The following COL23A1 variants were observed in gnomAD, a reference collection of about 807,000 sequenced individuals.
The protein encoded by COL23A1 is collagen alpha-1(XXIII) chain.
Under a neutral mutation model 99.3 loss-of-function variants are expected in COL23A1, and 97 were observed. That is an observed-to-expected ratio of 0.98 (90% confidence interval 0.83 to 1.16). The LOEUF is 1.16. COL23A1 is among the 50% of genes most tolerant of loss of function. The pLI, the probability that COL23A1 is intolerant of heterozygous loss-of-function variation, is 0.00. For missense variants in COL23A1, 762 were observed against 757.4 expected, an observed-to-expected ratio of 1.01 and a Z score of -0.07; for synonymous variants, 320 against 308.2, an observed-to-expected ratio of 1.04 and a Z score of -0.40.
At chr5:178,242,445 C>G in intron 25 of COL23A1, 51 bp from the exon 26 acceptor site, 2 of 1,578,294 alleles carry the variant, frequency 1.3e-6, no homozygotes, top group Non-Finnish European at 1.7e-6. Context: ...GAGGTTTGCC[C>G]CTCTGTTACC....
intron 2 of COL23A1, among the ~76,000 whole-genome samples, chr5:178,485,570 C>T (rs2088566): frequency 0.15 from 22,304 of 151,808 alleles, 1,690 homozygotes; most frequent in Middle Eastern, 0.21. Flanking sequence ...GTCAGGAGTT[C>T]GAGACCAGCC....
intron 3 of COL23A1, among the ~76,000 whole-genome samples, chr5:178,291,175 G>A (rs749078281): frequency 1.3e-5 from 2 of 152,148 alleles, no homozygotes; most frequent in South Asian, 2.1e-4. Flanking sequence ...ACTAAGCCAC[G>A]CGGCTGCCAA....
Position 178,376,159 on chromosome 5 carries a change from T to C in COL23A1, c.362-69240A>G, listed in dbSNP as rs1451379222. Among the ~76,000 whole-genome samples the C allele has an allele frequency of 2.0e-5, 3 of 152,372 alleles. No individual in the cohort carries two copies. In the East Asian group the frequency reaches 5.8e-4, roughly 29 times the overall value. On this transcript the variant is annotated intron_variant, in intron 2 of 28. Transcript: ENST00000390654. ...CACAGTCTCATCTGTGCTTTCTCTT[T>C]TCCATAGCACTTGTCATCTTCTAAA...
At chr5:178,490,316 G>A (rs1037914949) in intron 2 of COL23A1, among the ~76,000 whole-genome samples, 1 of 152,108 alleles carries the variant, frequency 6.6e-6, no homozygotes, top group Non-Finnish European at 1.5e-5. Flanking sequence ...AAACTTTGAG[G>A]ATATTAAGCT....
chr5:178,526,077 G>A (rs538587182), intron 2 of COL23A1, among the ~76,000 whole-genome samples: 14 of 152,374 alleles, frequency 9.2e-5, no homozygotes, highest in Admixed American at 8.5e-4. Context: ...GAAAGCACAA[G>A]GGCTGCAGTA....
At chr5:178,553,291 C>T (rs1251923994) in intron 2 of COL23A1, among the ~76,000 whole-genome samples, 2 of 152,172 alleles carry the variant, frequency 1.3e-5, no homozygotes, top group East Asian at 1.9e-4. Flanking sequence ...ACTTCTGTTC[C>T]GCTCTGTGAC....
At chr5:178,424,317 C>T (rs1363752534) in intron 2 of COL23A1, among the ~76,000 whole-genome samples, 1 of 152,244 alleles carries the variant, frequency 6.6e-6, no homozygotes, top group Admixed American at 6.5e-5. Flanking sequence ...CCGCATTGGG[C>T]ATGGAATGTC....
In COL23A1 at chr5:178,280,758, G is replaced by A. The variant is rs562469195; in HGVS notation, c.441+7566C>T. On this transcript the variant is annotated intron_variant, in intron 5 of 28. Coordinates refer to ENST00000390654, the MANE Select transcript of COL23A1 (RefSeq NM_173465.4). The surrounding 1 kb of genome is among the most constrained non-coding windows in gnomAD (Gnocchi z 4.9). ...GCGCAGGACCAACCCCCTCTGCTGGGCCCCCTACACTGCTGTCCCTGCTAA... is the reference window on the plus strand; with the variant it reads ...GCGCAGGACCAACCCCCTCTGCTGGACCCCCTACACTGCTGTCCCTGCTAA... 6.6e-6 allele frequency among the ~76,000 whole-genome samples: 1 copy of A among 152,188 alleles called. No individual in the cohort carries two copies. Among genetic ancestry groups the A allele is most frequent in the South Asian group, 2.1e-4 (1 of 4,828 alleles).
rs116767319 is a variant in COL23A1 at position 178,280,146 on chromosome 5, C to T, written c.441+8178G>A. 3.5e-3 allele frequency among the ~76,000 whole-genome samples: 526 copies of T among 152,362 alleles called. 6 individuals are homozygous for T. The highest frequency in any genetic ancestry group is 0.012 in the African/African-American group (490 of 41,598). On this transcript the variant is annotated intron_variant, in intron 5 of 28. Transcript: ENST00000390654. The surrounding 1 kb of genome is among the most constrained non-coding windows in gnomAD (Gnocchi z 4.9). Reference sequence around the variant, plus strand: ...TGCCCGGCCAGGGAACACTAGAGGGCGCGCTTGACCTGCCGAAGGCTGCCT... The same window carrying T: ...TGCCCGGCCAGGGAACACTAGAGGGTGCGCTTGACCTGCCGAAGGCTGCCT...
intron 5 of COL23A1, among the ~76,000 whole-genome samples, chr5:178,278,913 G>C (rs1002646145): frequency 6.6e-6 from 1 of 152,214 alleles, no homozygotes; most frequent in Non-Finnish European, 1.5e-5. Flanking sequence ...CAGCCCTGGG[G>C]TAAATGAAGC....
chr5:178,528,742 G>A (rs1191346564), intron 2 of COL23A1, among the ~76,000 whole-genome samples: 2 of 152,208 alleles, frequency 1.3e-5, no homozygotes, highest in South Asian at 2.1e-4. Flanking sequence ...CCCAGGAGGC[G>A]GAGGTTCCGA....
chr5:178,298,872 T>C (rs1757887732), intron 3 of COL23A1, among the ~76,000 whole-genome samples: 1 of 152,232 alleles, frequency 6.6e-6, no homozygotes, highest in South Asian at 2.1e-4. Flanking sequence ...AGTCAGTTTT[T>C]TAAAATAAAG....
intron 2 of COL23A1, among the ~76,000 whole-genome samples, chr5:178,399,997 GT>G (rs758781726): frequency 2.0e-5 from 3 of 152,178 alleles, no homozygotes; most frequent in Admixed American, 6.5e-5. Flanking sequence ...ATATTTGTTG[GT>G]TAAATGAATG....
chr5:178,462,081 T>C (rs1374860185), intron 2 of COL23A1, among the ~76,000 whole-genome samples: 1 of 152,252 alleles, frequency 6.6e-6, no homozygotes, highest in African/African-American at 2.4e-5. Flanking sequence ...AGTAGGAGCT[T>C]ATTAAGCATT....
chr5:178,384,313 C>A lies in COL23A1; in HGVS notation c.362-77394G>T, dbSNP rs1185740170. Among the ~76,000 whole-genome samples the A allele has an allele frequency of 1.3e-5, 2 of 152,252 alleles. No homozygotes were observed. Among genetic ancestry groups the A allele is most frequent in the African/African-American group, 4.8e-5 (2 of 41,474 alleles). On this transcript the variant is annotated intron_variant, in intron 2 of 28. Coordinates refer to ENST00000390654, the MANE Select transcript of COL23A1 (RefSeq NM_173465.4). The surrounding 1 kb of genome is among the most constrained non-coding windows in gnomAD (Gnocchi z 5.5). ...ATCCGGCGACGGAGGCCCGGCCTGG[C>A]CACTGCCTGGCGTTTTCTCATAAAC...
chr5:178,530,007 A>G (rs957907197), intron 2 of COL23A1, among the ~76,000 whole-genome samples: 1 of 152,234 alleles, frequency 6.6e-6, no homozygotes. Flanking sequence ...AGCCTGTTCC[A>G]TAACAGTTTT....
intron 1 of COL23A1, among the ~76,000 whole-genome samples, chr5:178,585,422 A>G (rs1484595346): frequency 3.4e-5 from 5 of 146,128 alleles, no homozygotes; most frequent in African/African-American, 5.4e-5. Context: ...AACACTCCAC[A>G]GCCCTGGTTG....
At chr5:178,417,200 T>C (rs916218071) in intron 2 of COL23A1, among the ~76,000 whole-genome samples, 3 of 152,174 alleles carry the variant, frequency 2.0e-5, no homozygotes, top group Non-Finnish European at 2.9e-5. Context: ...ATGGCTCTTC[T>C]GGATGTACAT....
At chr5:178,484,370 G>C (rs1757497100) in intron 2 of COL23A1, among the ~76,000 whole-genome samples, 1 of 152,182 alleles carries the variant, frequency 6.6e-6, no homozygotes, top group African/African-American at 2.4e-5. Context: ...GTCCCTCAAG[G>C]ATGGCTCCGA....
Sources: allele counts gnomAD v4.1 joint callset (sites outside exome capture counted in the v4.1 genomes callset), GRCh38; gene constraint gnomAD v4.1.1; non-coding constraint Gnocchi (gnomAD v3.1); transcripts MANE v1.5; gene names NCBI Gene and HGNC (gene_info 2026-07-23, HGNC 2026-07-21).